Variants in SLC35F3 observed in about 807,000 individuals in gnomAD.
SLC35F3 encodes the protein putative thiamine transporter SLC35F3.
A neutral mutation model predicts 49.9 loss-of-function variants in SLC35F3; 25 were observed. The ratio of observed to expected loss-of-function variants is 0.50; its 90% CI spans 0.37 to 0.70. SLC35F3 has a LOEUF of 0.70. Ranked by LOEUF, SLC35F3 falls within the 30% of genes least tolerant of loss-of-function variation. The pLI, the probability that SLC35F3 is intolerant of heterozygous loss-of-function variation, is 0.00. For synonymous variants in SLC35F3, 275 were observed against 265.4 expected (o/e 1.04, Z -0.35); for missense variants, 525 against 639.8 (o/e 0.82, Z 1.94).
At chr1:234,196,993 A>G (rs1302156896) in intron 2 of SLC35F3, among the ~76,000 whole-genome samples, 1 of 152,254 alleles carries the variant, frequency 6.6e-6, no homozygotes, top group African/African-American at 2.4e-5. Context: ...TAGTTAAGGC[A>G]GTAAAAACAG....
intron 2 of SLC35F3, among the ~76,000 whole-genome samples, chr1:234,077,223 C>T (rs1320764021): frequency 1.3e-5 from 2 of 151,618 alleles, no homozygotes; most frequent in Non-Finnish European, 1.5e-5. Context: ...CCAGGATGGT[C>T]TCGATCTCCT....
At chr1:234,166,976 A>C (rs1286119609) in intron 2 of SLC35F3, among the ~76,000 whole-genome samples, 1 of 152,174 alleles carries the variant, frequency 6.6e-6, no homozygotes. Flanking sequence ...GCCTCAAGAT[A>C]GTGGTGTCAG....
chr1:233,943,661 A>G (rs1662465598), intron 2 of SLC35F3, among the ~76,000 whole-genome samples: 2 of 152,230 alleles, frequency 1.3e-5, no homozygotes, highest in Admixed American at 6.5e-5. Context: ...TATGGAATAA[A>G]TCCATATGGG....
At chr1:234,234,975 G>A (rs964379290) in intron 3 of SLC35F3, among the ~76,000 whole-genome samples, 20 of 152,116 alleles carry the variant, frequency 1.3e-4, no homozygotes, top group African/African-American at 3.9e-4. Flanking sequence ...TGCTTTGTTC[G>A]TGAGCTGCCT....
intron 2 of SLC35F3, chr1:234,212,976 G>C (rs2102940834): frequency 1.3e-5 from 2 of 152,344 alleles, no homozygotes. Context: ...GGCTGTAGTG[G>C]TGAGGAAGCA....
intron 2 of SLC35F3, among the ~76,000 whole-genome samples, chr1:234,221,477 G>T (rs1667203390): frequency 6.6e-6 from 1 of 152,208 alleles, no homozygotes; most frequent in Non-Finnish European, 1.5e-5. Flanking sequence ...CAAGAATCAT[G>T]AAGATGCAGA....
intron 2 of SLC35F3, among the ~76,000 whole-genome samples, chr1:234,167,154 C>A (rs1330861259): frequency 1.3e-5 from 2 of 152,340 alleles, no homozygotes; most frequent in East Asian, 3.9e-4. Context: ...CTTTCCGGCT[C>A]AGACCCCTTG....
At position 234,132,204 on chromosome 1, in the gene SLC35F3, C is replaced by T. The variant is rs553901592; in HGVS notation, c.284-99213C>T. Among the ~76,000 whole-genome samples, 6 of 152,304 alleles carry T rather than the reference C, an allele frequency of 3.9e-5. No individual in the cohort carries two copies. In the South Asian group the frequency reaches 1.2e-3, roughly 32 times the overall value. On this transcript the variant is annotated intron_variant, in intron 2 of 7. Transcript: ENST00000366618. ...TTCCCCGACCCTCACTCTCACTCCC[C>T]TTCTCTCCTTTTGAACATTTCCTCA...
chr1:234,195,927 C>T (rs911904841), intron 2 of SLC35F3, among the ~76,000 whole-genome samples: 8 of 152,226 alleles, frequency 5.3e-5, no homozygotes, highest in South Asian at 2.1e-4. Context: ...ACATGCCTTT[C>T]GCCTTCCACC....
chr1:234,284,049 G>A (rs988753541), intron 3 of SLC35F3, among the ~76,000 whole-genome samples: 1 of 152,034 alleles, frequency 6.6e-6, no homozygotes, highest in Non-Finnish European at 1.5e-5. Flanking sequence ...GGGACTACAG[G>A]TGCACACCAC....
rs573772447 is a variant in SLC35F3, at chr1:234,183,753, A to G, written c.284-47664A>G. Reference sequence around the variant, plus strand: ...AATAATGGTGACTATGACCCTGTAAATGTTCGTATCTCATTTTCATACGAC... The same window carrying G: ...AATAATGGTGACTATGACCCTGTAAGTGTTCGTATCTCATTTTCATACGAC... On this transcript the variant is annotated intron_variant, in intron 2 of 7. Transcript: ENST00000366618. Among the ~76,000 whole-genome samples the G allele has an allele frequency of 4.9e-5, 7 of 142,740 alleles. 1 individual carries two copies. The highest frequency in any genetic ancestry group is 1.0e-4 in the Non-Finnish European group (7 of 67,032). 93.6% of individuals were successfully genotyped at this position (142,740 alleles called of 152,430 possible). A position where few individuals can be genotyped will look rare whatever the true frequency, so the allele number is the denominator to read the frequency against.
intron 1 of SLC35F3, 38 bp downstream of exon 1, chr1:233,905,168 G>T (rs765145321): frequency 6.5e-7 from 1 of 1,548,830 alleles, no homozygotes; most frequent in Non-Finnish European, 8.7e-7. Context: ...CGAGCCGGCG[G>T]GCGGGAGGCC....
At chr1:234,254,254 C>T (rs566648395) in intron 3 of SLC35F3, among the ~76,000 whole-genome samples, 1 of 152,282 alleles carries the variant, frequency 6.6e-6, no homozygotes, top group African/African-American at 2.4e-5. Flanking sequence ...GTAGTGTTCA[C>T]ACTCTTCTCT....
chr1:234,170,723 A>G (rs1666388848), intron 2 of SLC35F3, among the ~76,000 whole-genome samples: 1 of 152,234 alleles, frequency 6.6e-6, no homozygotes, highest in Non-Finnish European at 1.5e-5. Flanking sequence ...CTCAAACAGC[A>G]GAAGAGGTGA....
chr1:234,029,708 G>A (rs537620908), intron 2 of SLC35F3, among the ~76,000 whole-genome samples: 2 of 152,002 alleles, frequency 1.3e-5, no homozygotes, highest in Admixed American at 6.5e-5. Flanking sequence ...TAAAAGTTTC[G>A]ATTCTGGGCT....
chr1:234,245,669 G>A (rs1667620549), intron 3 of SLC35F3, among the ~76,000 whole-genome samples: 1 of 152,158 alleles, frequency 6.6e-6, no homozygotes, highest in Admixed American at 6.5e-5. Context: ...TCAACAGCTG[G>A]GGGCTAGGCA....
At chr1:234,313,166 C>T (rs191206747) in intron 4 of SLC35F3, among the ~76,000 whole-genome samples, 28 of 152,288 alleles carry the variant, frequency 1.8e-4, no homozygotes, top group Non-Finnish European at 3.2e-4. Context: ...TGTGAACCAC[C>T]GCGCCAGGCC....
At position 234,200,621 on chromosome 1, in the gene SLC35F3, AT is replaced by A. The variant is rs111950633; in HGVS notation, c.284-30787del. ...GGCCTTTTATTTCTTAAAATTAAGTATTTTTTTTTCCTAAAGGCACAATTTC... is the reference window on the plus strand; with the variant it reads ...GGCCTTTTATTTCTTAAAATTAAGTATTTTTTTTCCTAAAGGCACAATTTC... On this transcript the variant is annotated intron_variant, in intron 2 of 7. Transcript: ENST00000366618. 1.9e-4 allele frequency among the ~76,000 whole-genome samples: 29 copies of A among 151,536 alleles called. 1 individual carries two copies. Among genetic ancestry groups the A allele is most frequent in the Admixed American group, 4.6e-4 (7 of 15,222 alleles).
At chr1:234,274,046 G>T (rs1668157722) in intron 3 of SLC35F3, 2 of 152,288 alleles carry the variant, frequency 1.3e-5, no homozygotes, top group African/African-American at 4.8e-5. Flanking sequence ...CAGATACAAA[G>T]TCAGTTATCT....
Sources: gnomAD v4.1 joint callset for allele counts (sites outside exome capture counted in the v4.1 genomes callset) on GRCh38, gnomAD v4.1.1 for gene constraint, MANE v1.5 for transcripts, NCBI Gene and HGNC (gene_info 2026-07-23, HGNC 2026-07-21) for gene names.